Variants in MTUS2 observed in about 807,000 individuals in gnomAD.
MTUS2 encodes the protein microtubule-associated tumor suppressor candidate 2.
Under a neutral mutation model 114.1 loss-of-function variants are expected in MTUS2, and 40 were observed. That is an observed-to-expected ratio of 0.35 (90% CI 0.27 to 0.46). The LOEUF (loss-of-function observed/expected upper bound fraction) is 0.46. Ranked by LOEUF, MTUS2 falls within the 20% of genes least tolerant of loss-of-function variation. MTUS2 has a pLI of 1.00. For synonymous variants in MTUS2, 688 were observed against 672.0 expected (o/e 1.02, Z -0.37); for missense variants, 1,679 against 1,705.4 (o/e 0.98, Z 0.27).
chr13:29,445,569 G>A (rs1190606538), intron 9 of MTUS2, among the ~76,000 whole-genome samples: 3 of 152,100 alleles, frequency 2.0e-5, no homozygotes, highest in Non-Finnish European at 4.4e-5. Context: ...CCTGCACTTG[G>A]TATACTCACC....
chr13:29,327,232 T>C (rs528180638), intron 7 of MTUS2, among the ~76,000 whole-genome samples: 1 of 152,270 alleles, frequency 6.6e-6, no homozygotes, highest in East Asian at 1.9e-4. Context: ...ACATATCTAT[T>C]GTGGAATAAT....
At position 29,487,587 on chromosome 13, in the gene MTUS2, A is replaced by G. The variant is rs557575027; in HGVS notation, c.3400-313A>G. 12 of 345,966 alleles carry G rather than the reference A, an allele frequency of 3.5e-5. No homozygotes were observed. In the South Asian group the frequency reaches 4.3e-4, roughly 12 times the overall value. 21.4% of individuals were successfully genotyped at this position (345,966 alleles called of 1,614,324 possible). A position where few individuals can be genotyped will look rare whatever the true frequency, so the allele number is the denominator to read the frequency against. Reference sequence around the variant, plus strand: ...CTTTTCCTTTGCCGTCATCGCTCATAGCGGTGCAAGCGCGTGGACAAGCAG... The same window carrying G: ...CTTTTCCTTTGCCGTCATCGCTCATGGCGGTGCAAGCGCGTGGACAAGCAG... On this transcript the variant is annotated intron_variant, in intron 10 of 15. Coordinates refer to ENST00000612955, the MANE Select transcript of MTUS2 (RefSeq NM_001033602.4).
intron 2 of MTUS2, among the ~76,000 whole-genome samples, chr13:28,906,872 C>A (rs940675617): frequency 1.3e-5 from 2 of 151,288 alleles, no homozygotes; most frequent in African/African-American, 4.9e-5. Context: ...GCAAGGCAGG[C>A]CAACATTCAG....
intron 2 of MTUS2, among the ~76,000 whole-genome samples, chr13:28,873,660 T>C (rs1279707394): frequency 1.3e-5 from 2 of 152,180 alleles, no homozygotes; most frequent in African/African-American, 2.4e-5. Flanking sequence ...ATCACACATA[T>C]TGCCAGCTAT....
In MTUS2 at chr13:29,051,371, A is replaced by G. The variant is rs138748614; in HGVS notation, c.2446+17246A>G. Among the ~76,000 whole-genome samples the G allele has an allele frequency of 2.8e-3, 420 of 152,278 alleles. 2 individuals are homozygous for G. The highest frequency in any genetic ancestry group is 9.5e-3 in the African/African-American group (394 of 41,556). ...TAACCAGGTCAACTAGGGAGGGACT[A>G]GGCCTGTGCAGAAATATGAAGAACT... On this transcript the variant is annotated intron_variant, in intron 4 of 15. Coordinates refer to ENST00000612955, the MANE Select transcript of MTUS2 (RefSeq NM_001033602.4).
chr13:29,301,482 A>G (rs1186088298), intron 6 of MTUS2, among the ~76,000 whole-genome samples: 1 of 152,230 alleles, frequency 6.6e-6, no homozygotes, highest in South Asian at 2.1e-4. Flanking sequence ...TTCTTTCTCT[A>G]CATGATTTGC....
intron 2 of MTUS2, among the ~76,000 whole-genome samples, chr13:28,953,781 A>G (rs1432534358): frequency 2.6e-5 from 4 of 152,028 alleles, no homozygotes; most frequent in Non-Finnish European, 5.9e-5. Context: ...CTTTCCTTTT[A>G]TGTATTTTAG....
rs147600125 is a variant in MTUS2, at chr13:29,192,972, G to A, written c.2645-88732G>A. On this transcript the variant is annotated intron_variant, in intron 5 of 15. Transcript: ENST00000612955. Reference sequence around the variant, plus strand: ...TTGGATGCCTAGAGGGTTGGTGGGGGTTAAAGGGGAGGACTCCAAACAATG... The same window carrying A: ...TTGGATGCCTAGAGGGTTGGTGGGGATTAAAGGGGAGGACTCCAAACAATG... 6.7e-3 allele frequency among the ~76,000 whole-genome samples: 1,027 copies of A among 152,276 alleles called. 9 individuals are homozygous for A. The highest frequency in any genetic ancestry group is 0.024 in the African/African-American group (992 of 41,540).
In MTUS2 at chr13:28,967,927, C is replaced by G. The variant is rs1883671536; in HGVS notation, c.-242-56530C>G. On this transcript the variant is annotated intron_variant, in intron 2 of 15. Coordinates refer to ENST00000612955, the MANE Select transcript of MTUS2 (RefSeq NM_001033602.4). Reference sequence around the variant, plus strand: ...AACGTGAAAATGTTGGAGATGTGGACAGAACTACACCCTGTTATTATTTCA... The same window carrying G: ...AACGTGAAAATGTTGGAGATGTGGAGAGAACTACACCCTGTTATTATTTCA... Among the ~76,000 whole-genome samples the G allele has an allele frequency of 2.6e-5, 4 of 152,074 alleles. No individual in the cohort carries two copies. In the South Asian group the frequency reaches 8.3e-4, roughly 32 times the overall value.
chr13:29,088,446 A>T (rs1011825086), intron 4 of MTUS2, among the ~76,000 whole-genome samples: 2 of 152,182 alleles, frequency 1.3e-5, no homozygotes, highest in Admixed American at 6.5e-5. Flanking sequence ...AATAAGGTAC[A>T]TTCTTACATT....
chr13:28,860,437 C>G (rs1475454412), intron 2 of MTUS2, among the ~76,000 whole-genome samples: 1 of 152,206 alleles, frequency 6.6e-6, no homozygotes, highest in Non-Finnish European at 1.5e-5. Context: ...GAAAGGAGAC[C>G]TAGGTCTTGG....
chr13:29,281,592 G>C (rs989859016), intron 5 of MTUS2, 112 bp from the exon 6 acceptor site: 1 of 1,180,476 alleles, frequency 8.5e-7, no homozygotes. Flanking sequence ...CTAAGAATCA[G>C]GTCAAGTTCT....
intron 5 of MTUS2, among the ~76,000 whole-genome samples, chr13:29,140,970 G>T (rs77802405): frequency 0.011 from 1,634 of 152,292 alleles, 27 homozygotes; most frequent in African/African-American, 0.037. Context: ...GAGGGGTAAA[G>T]AAATAGCCTT....
chr13:29,247,654 C>T (rs1375759154), intron 5 of MTUS2, among the ~76,000 whole-genome samples: 1 of 152,162 alleles, frequency 6.6e-6, no homozygotes, highest in Non-Finnish European at 1.5e-5. Context: ...AAAAAATGCT[C>T]ATCATCACTA....
intron 5 of MTUS2, among the ~76,000 whole-genome samples, chr13:29,241,831 A>T (rs1328240975): frequency 6.6e-6 from 1 of 152,094 alleles, no homozygotes; most frequent in East Asian, 1.9e-4. Context: ...ACGTTCTGGC[A>T]GTCTGTCCAA....
intron 7 of MTUS2, among the ~76,000 whole-genome samples, chr13:29,342,536 T>G (rs1332166747): frequency 6.6e-6 from 1 of 152,152 alleles, no homozygotes; most frequent in Non-Finnish European, 1.5e-5. Context: ...TGAATTCATG[T>G]GTCAGTTCTA....
intron 6 of MTUS2, among the ~76,000 whole-genome samples, chr13:29,283,044 G>C (rs577636875): frequency 9.2e-5 from 14 of 152,316 alleles, no homozygotes; most frequent in Non-Finnish European, 1.8e-4. Flanking sequence ...CCCTGGAGTG[G>C]TGTTGCTTTG....
intron 8 of MTUS2, among the ~76,000 whole-genome samples, chr13:29,377,109 C>T (rs977228663): frequency 6.6e-6 from 1 of 152,118 alleles, no homozygotes; most frequent in Non-Finnish European, 1.5e-5. Context: ...GCACATCAAG[C>T]AAAAACTGAG....
intron 9 of MTUS2, among the ~76,000 whole-genome samples, chr13:29,451,692 C>T (rs186112070): frequency 1.3e-5 from 2 of 152,070 alleles, no homozygotes; most frequent in Admixed American, 6.5e-5. Context: ...TCAAGCAATT[C>T]TCCTGCCTCA....
Sources: gnomAD v4.1 joint callset for allele counts (sites outside exome capture counted in the v4.1 genomes callset) on GRCh38, gnomAD v4.1.1 for gene constraint, MANE v1.5 for transcripts, NCBI Gene and HGNC (gene_info 2026-07-23, HGNC 2026-07-21) for gene names.